The following TM4SF4 variants were observed in gnomAD, a reference collection of about 807,000 sequenced individuals.
The protein encoded by TM4SF4 is transmembrane 4 L six family member 4.
TM4SF4 carries 24 observed loss-of-function variants against 24.1 expected under a neutral mutation model. The ratio of observed to expected loss-of-function variants is 1.00; its 90% CI spans 0.72 to 1.40. The LOEUF is 1.40. Ranked by LOEUF, TM4SF4 falls within the 40% of genes most tolerant of loss-of-function variation. The pLI, the probability that TM4SF4 is intolerant of heterozygous loss-of-function variation, is 0.00. For synonymous variants in TM4SF4, 113 were observed against 97.0 expected (o/e 1.17, Z -0.97); for missense variants, 254 against 254.2 (o/e 1.00, Z 0.01).
intron 2 of TM4SF4, 125 bp from the exon 3 acceptor site, chr3:149,487,494 T>C: frequency 8.4e-7 from 1 of 1,189,024 alleles, no homozygotes; most frequent in Non-Finnish European, 1.2e-6. Context: ...CCATCTACTA[T>C]AAAGACTAGC....
In TM4SF4 at chr3:149,475,871, T is replaced by C. The variant is rs1219644285; in HGVS notation, c.223T>C (p.Cys75Arg). The change falls in exon 2 of 5, where the codon TGT (cysteine) becomes CGT (arginine). Residue 75 changes from cysteine to arginine, a missense_variant. Coordinates refer to ENST00000305354, the MANE Select transcript of TM4SF4 (RefSeq NM_004617.4). ...VFLGLKNNDC[C>R]GCCGNEGCGK... ...CTTGGGCCTGAAGAACAATGACTGC[T>C]GTGGGTGCTGCGGCAACGAGGGCTG... The C allele has an allele frequency of 6.2e-7, 1 of 1,613,264 alleles. No homozygotes were observed. The highest frequency in any genetic ancestry group is 1.7e-5 in the Admixed American group (1 of 59,934).
At chr3:149,498,272 A>T (rs1734350024) in intron 3 of TM4SF4, among the ~76,000 whole-genome samples, 1 of 152,202 alleles carries the variant, frequency 6.6e-6, no homozygotes, top group Non-Finnish European at 1.5e-5. Context: ...TCTAACAATG[A>T]TAGCTAGGAT....
intron 1 of TM4SF4, 126 bp downstream of exon 1, chr3:149,475,177 A>G: frequency 1.1e-5 from 11 of 1,045,662 alleles, no homozygotes; most frequent in Non-Finnish European, 1.5e-5. Context: ...TTGCATGGTG[A>G]GAGGTCAATG....
intron 3 of TM4SF4, 82 bp downstream of exon 3, chr3:149,487,837 T>C: frequency 6.4e-7 from 1 of 1,557,266 alleles, no homozygotes; most frequent in Non-Finnish European, 8.8e-7. Flanking sequence ...CTGCACACAA[T>C]GCCATGTCTT....
intron 4 of TM4SF4, among the ~76,000 whole-genome samples, chr3:149,500,678 G>A (rs1472041786): frequency 1.3e-5 from 2 of 152,154 alleles, no homozygotes; most frequent in East Asian, 1.9e-4. Context: ...TATTTTAGCT[G>A]GGTGGTAAAT....
At chr3:149,481,797 G>T (rs1008914379) in intron 2 of TM4SF4, among the ~76,000 whole-genome samples, 3 of 152,164 alleles carry the variant, frequency 2.0e-5, no homozygotes, top group Admixed American at 6.5e-5. Context: ...TCTTTCAAGG[G>T]AAACATTTGC....
At chr3:149,476,498 A>G (rs115188976) in intron 2 of TM4SF4, among the ~76,000 whole-genome samples, 2,235 of 152,152 alleles carry the variant, frequency 0.015, 60 homozygotes, top group African/African-American at 0.051. Flanking sequence ...TTAGGCATCA[A>G]AGTTCCAGAG....
chr3:149,488,391 T>C (rs2107871264), intron 3 of TM4SF4, among the ~76,000 whole-genome samples: 1 of 152,364 alleles, frequency 6.6e-6, no homozygotes, highest in South Asian at 2.1e-4. Context: ...GCAGGCTTAA[T>C]AAGCTTAACT....
At chr3:149,476,814 G>GTTTTTTTTTTTTTTTT (rs67092416) in intron 2 of TM4SF4, among the ~76,000 whole-genome samples, 1 of 81,212 alleles carries the variant, frequency 1.2e-5, no homozygotes, top group Non-Finnish European at 2.5e-5. Flanking sequence ...TTTTGTTTTT[G>GTTTTTTTTTTTTTTTT]TTTTTTTTTT....
chr3:149,495,581 T>G, intron 3 of TM4SF4: 1 of 355,746 alleles, frequency 2.8e-6, no homozygotes, highest in South Asian at 2.9e-5. Flanking sequence ...TCAAAGATTT[T>G]TGTAATGGCA....
intron 2 of TM4SF4, among the ~76,000 whole-genome samples, chr3:149,480,131 ATAG>A (rs1426185545): frequency 7.7e-6 from 1 of 130,338 alleles, no homozygotes; most frequent in Non-Finnish European, 1.8e-5. Flanking sequence ...TGGAGCAAAA[ATAG>A]TAAGAACCCC....
chr3:149,479,897 G>C (rs538520245), intron 2 of TM4SF4, among the ~76,000 whole-genome samples: 1 of 152,096 alleles, frequency 6.6e-6, no homozygotes, highest in Non-Finnish European at 1.5e-5. Flanking sequence ...CCCTTTCCTC[G>C]GGTAGCAAAA....
At chr3:149,481,751 G>A (rs1038175998) in intron 2 of TM4SF4, among the ~76,000 whole-genome samples, 1 of 152,176 alleles carries the variant, frequency 6.6e-6, no homozygotes, top group Non-Finnish European at 1.5e-5. Context: ...CAATTGGTGA[G>A]TTAGAGGACA....
Position 149,498,727 on chromosome 3 carries a change from A to AAAT in TM4SF4, c.407_408insAAT (p.Tyr136delinsTer), listed in dbSNP as rs1734359698. ...GTCCCCTATATCACCAACAGGGATTATCTCAATGATGAGGCCTTATGGAAC... is the reference window on the plus strand; with the variant it reads ...GTCCCCTATATCACCAACAGGGATTAAATTCTCAATGATGAGGCCTTATGGAAC... On this transcript the variant is annotated stop_gained, in exon 4 of 5. Coordinates refer to ENST00000305354, the MANE Select transcript of TM4SF4 (RefSeq NM_004617.4). LOFTEE classifies it high-confidence loss of function. 6.2e-7 allele frequency: 1 copy of AAAT among 1,613,842 alleles called. No homozygotes were observed. Among genetic ancestry groups the AAAT allele is most frequent in the Non-Finnish European group, 8.5e-7 (1 of 1,179,858 alleles).
intron 2 of TM4SF4, among the ~76,000 whole-genome samples, chr3:149,478,274 T>C (rs903302984): frequency 3.3e-5 from 5 of 152,164 alleles, no homozygotes; most frequent in African/African-American, 1.2e-4. Context: ...GCCTCCCAAG[T>C]AGCTGGGATT....
Position 149,498,888 on chromosome 3 carries a change from T to G in TM4SF4, c.568T>G (p.Cys190Gly), listed in dbSNP as rs1307711687. 6.2e-7 allele frequency: 1 copy of G among 1,613,840 alleles called. No individual in the cohort carries two copies. Among genetic ancestry groups the G allele is most frequent in the Non-Finnish European group, 8.5e-7 (1 of 1,179,858 alleles). Reference sequence around the variant, plus strand: ...CCTCCTGGGGACCCTCTGTGGGGACTGCCAGTGTTGTGGCTGCTGTGGGGT... The same window carrying G: ...CCTCCTGGGGACCCTCTGTGGGGACGGCCAGTGTTGTGGCTGCTGTGGGGT... ...NGLLGTLCGD[C>G]QCCGCCGGDG... Residue 190 changes from cysteine (C) to glycine (G), a missense_variant, in exon 4 of 5, where the codon TGC (cysteine) becomes GGC (glycine). Cys to Gly is a radical substitution (Grantham distance 159). Coordinates refer to ENST00000305354, the MANE Select transcript of TM4SF4 (RefSeq NM_004617.4).
chr3:149,497,950 G>T (rs976341485), intron 3 of TM4SF4, among the ~76,000 whole-genome samples: 19 of 152,196 alleles, frequency 1.2e-4, no homozygotes, highest in African/African-American at 4.1e-4. Context: ...CGGCCACAAT[G>T]CCCTTTATAT....
rs186460629 is a variant in TM4SF4, at chr3:149,484,832, G to A, written c.265-2787G>A. ...CCCGCAAAGTGCTGGGATTACAGTCGTGAGCCACCACGCTAGGCCTAGAAT... is the reference window on the plus strand; with the variant it reads ...CCCGCAAAGTGCTGGGATTACAGTCATGAGCCACCACGCTAGGCCTAGAAT... On this transcript the variant is annotated intron_variant, in intron 2 of 4. Transcript: ENST00000305354. 5.5e-4 allele frequency among the ~76,000 whole-genome samples: 83 copies of A among 152,262 alleles called. 1 individual carries two copies. In the East Asian group the frequency reaches 0.013, roughly 23 times the overall value.
At chr3:149,489,107 A>G (rs1187719807) in intron 3 of TM4SF4, among the ~76,000 whole-genome samples, 2 of 152,152 alleles carry the variant, frequency 1.3e-5, no homozygotes, top group South Asian at 2.1e-4. Context: ...GCGGTTTCCA[A>G]ATACATTTAG....
Sources: allele counts gnomAD v4.1 joint callset (sites outside exome capture counted in the v4.1 genomes callset), GRCh38; gene constraint gnomAD v4.1.1; transcripts MANE v1.5; gene names NCBI Gene and HGNC (gene_info 2026-07-23, HGNC 2026-07-21).